The following ARHGAP17 variants were observed in gnomAD, a reference collection of about 807,000 sequenced individuals.
ARHGAP17 encodes rho GTPase-activating protein 17.
A neutral mutation model predicts 99.5 loss-of-function variants in ARHGAP17; 57 were observed. The ratio of observed to expected loss-of-function variants is 0.57; its 90% confidence interval spans 0.46 to 0.71. The LOEUF (loss-of-function observed/expected upper bound fraction) is 0.71. ARHGAP17 is among the 30% of genes least tolerant of loss of function. The probability of loss-of-function intolerance (pLI) is 0.00; values close to 1 mark genes in which losing one functional copy is unlikely to be tolerated. For missense variants in ARHGAP17, 1,000 were observed against 1,122.4 expected, an observed-to-expected ratio of 0.89 and a Z score of 1.56; for synonymous variants, 417 against 429.6, an observed-to-expected ratio of 0.97 and a Z score of 0.36.
Position 24,932,622 on chromosome 16 carries a change from T to C in ARHGAP17, c.1895-1218A>G, listed in dbSNP as rs150077941. 8.8e-3 allele frequency among the ~76,000 whole-genome samples: 1,342 copies of C among 152,242 alleles called. 83 individuals carry two copies. The highest frequency in any genetic ancestry group is 0.078 in the Admixed American group (1,194 of 15,288). ...CCAATTCCGCAACCATTTGAGTTAATAGATATGTCCTGGACAAAAGCATGA... is the reference window on the plus strand; with the variant it reads ...CCAATTCCGCAACCATTTGAGTTAACAGATATGTCCTGGACAAAAGCATGA... On this transcript the variant is annotated intron_variant, in intron 18 of 19. Transcript: ENST00000289968.
At chr16:25,005,391 T>C (rs1166053471) in intron 1 of ARHGAP17, among the ~76,000 whole-genome samples, 3 of 152,366 alleles carry the variant, frequency 2.0e-5, no homozygotes, top group South Asian at 2.1e-4. Context: ...GTTTCATCAC[T>C]GTATCTGTTG....
intron 1 of ARHGAP17, among the ~76,000 whole-genome samples, chr16:24,981,426 A>G (rs1197635709): frequency 1.3e-5 from 2 of 152,246 alleles, no homozygotes; most frequent in Non-Finnish European, 2.9e-5. Context: ...ATGAAAAATT[A>G]TAACTGTATT....
chr16:24,962,308 G>C (rs1397029526), intron 7 of ARHGAP17, among the ~76,000 whole-genome samples: 1 of 152,132 alleles, frequency 6.6e-6, no homozygotes, highest in Non-Finnish European at 1.5e-5. Context: ...GGAGAAACAA[G>C]TACACATATA....
intron 3 of ARHGAP17, among the ~76,000 whole-genome samples, chr16:24,971,330 CTTTT>C (rs5816272): frequency 4.5e-5 from 6 of 134,292 alleles, no homozygotes; most frequent in Non-Finnish European, 4.8e-5. Flanking sequence ...CTTAAATTGG[CTTTT>C]TTTTTTTTTT....
At chr16:24,951,005 G>A (rs1425577670) in intron 12 of ARHGAP17, among the ~76,000 whole-genome samples, 1 of 152,150 alleles carries the variant, frequency 6.6e-6, no homozygotes, top group African/African-American at 2.4e-5. Flanking sequence ...CGGGGAAGAG[G>A]ACAGAACAGA....
chr16:24,995,433 G>C (rs890471858), intron 1 of ARHGAP17, among the ~76,000 whole-genome samples: 1 of 152,206 alleles, frequency 6.6e-6, no homozygotes, highest in African/African-American at 2.4e-5. Flanking sequence ...AGAGCACCCA[G>C]GTCAGGGAGA....
chr16:24,926,173 AAGT>A (rs1465100582), intron 19 of ARHGAP17, among the ~76,000 whole-genome samples: 2 of 152,108 alleles, frequency 1.3e-5, no homozygotes, highest in Non-Finnish European at 2.9e-5. Context: ...AAAAGAAAAA[AAGT>A]AGAATATAAA....
intron 10 of ARHGAP17, among the ~76,000 whole-genome samples, chr16:24,953,632 A>G (rs2051712818): frequency 6.6e-6 from 1 of 152,158 alleles, no homozygotes; most frequent in Non-Finnish European, 1.5e-5. Context: ...CTCTCCAGCC[A>G]CGATTCCTGT....
intron 17 of ARHGAP17, chr16:24,936,810 T>C (rs993327382): frequency 2.0e-5 from 3 of 151,406 alleles, no homozygotes; most frequent in African/African-American, 7.3e-5. Context: ...AAATGGAATG[T>C]CACAAGGAAA....
intron 2 of ARHGAP17, among the ~76,000 whole-genome samples, chr16:24,977,833 T>C (rs1322416041): frequency 6.6e-6 from 1 of 152,178 alleles, no homozygotes; most frequent in African/African-American, 2.4e-5. Context: ...TATGGCTGTT[T>C]ATGGCAAAGA....
chr16:24,988,500 T>C (rs1411109693), intron 1 of ARHGAP17, among the ~76,000 whole-genome samples: 3 of 152,236 alleles, frequency 2.0e-5, no homozygotes, highest in African/African-American at 7.2e-5. Context: ...CCCATGTATT[T>C]ACAGCTTCTC....
intron 19 of ARHGAP17, among the ~76,000 whole-genome samples, chr16:24,923,354 T>C (rs2050762419): frequency 6.6e-6 from 1 of 152,192 alleles, no homozygotes; most frequent in Non-Finnish European, 1.5e-5. Flanking sequence ...ACCTGGTTTG[T>C]CTGAAACACC....
At chr16:24,939,650 A>G (rs770475545) in intron 16 of ARHGAP17, 53 bp from the exon 17 acceptor site, 4 of 1,529,214 alleles carry the variant, frequency 2.6e-6, no homozygotes, top group Non-Finnish European at 3.6e-6. Context: ...CTACTGAGAC[A>G]GAAGCCCATC....
At chr16:24,992,412 T>C (rs893764305) in intron 1 of ARHGAP17, among the ~76,000 whole-genome samples, 1 of 152,152 alleles carries the variant, frequency 6.6e-6, no homozygotes, top group Non-Finnish European at 1.5e-5. Context: ...CTTGACTCAC[T>C]GCAACCTCCA....
chr16:24,931,434 G>T, intron 18 of ARHGAP17, 30 bp from the exon 19 acceptor site: 5 of 1,496,448 alleles, frequency 3.3e-6, no homozygotes, highest in Non-Finnish European at 4.4e-6. Context: ...ACACCTTTCA[G>T]TAGGAACAGT....
intron 11 of ARHGAP17, 38 bp from the exon 12 acceptor site, chr16:24,952,408 G>A (rs779131713): frequency 2.7e-6 from 4 of 1,501,608 alleles, no homozygotes; most frequent in East Asian, 2.3e-5. Flanking sequence ...ATGAAAAAGG[G>A]GTAAGGCTAG....
At chr16:24,992,197 G>C (rs916406279) in intron 1 of ARHGAP17, among the ~76,000 whole-genome samples, 7 of 152,200 alleles carry the variant, frequency 4.6e-5, no homozygotes, top group African/African-American at 1.4e-4. Flanking sequence ...ACAGGTTTGA[G>C]TTTCAGAATG....
intron 13 of ARHGAP17, 46 bp downstream of exon 13, chr16:24,949,358 T>G (rs749581286): frequency 8.0e-6 from 12 of 1,500,830 alleles, no homozygotes; most frequent in Non-Finnish European, 1.1e-5. Flanking sequence ...TGCTGGGCAT[T>G]AAACTTATCT....
At chr16:24,947,374 A>C in intron 14 of ARHGAP17, 108 bp downstream of exon 14, 48 of 1,006,144 alleles carry the variant, frequency 4.8e-5, no homozygotes, top group Middle Eastern at 6.0e-4. Flanking sequence ...CAACTTCAGA[A>C]TACCTTGAAT....
Sources: allele counts gnomAD v4.1 joint callset (sites outside exome capture counted in the v4.1 genomes callset), GRCh38; gene constraint gnomAD v4.1.1; transcripts MANE v1.5; gene names NCBI Gene and HGNC (gene_info 2026-07-23, HGNC 2026-07-21).